The following DOCK3 variants were observed in gnomAD, a reference collection of about 807,000 sequenced individuals.
DOCK3 encodes dedicator of cytokinesis protein 3.
In DOCK3, 60 loss-of-function variants were observed where a neutral mutation model predicts 265.6. The observed-to-expected ratio is 0.23, with a 90% CI of 0.18 to 0.28. DOCK3 has a LOEUF of 0.28. DOCK3 is among the 10% of genes least tolerant of loss of function. The pLI, the probability that DOCK3 is intolerant of heterozygous loss-of-function variation, is 1.00. For synonymous variants in DOCK3, 881 were observed against 938.0 expected, an observed-to-expected ratio of 0.94 and a Z score of 1.11; for missense variants, 1,981 against 2,594.3, an observed-to-expected ratio of 0.76 and a Z score of 5.14.
chr3:50,982,956 C>G (rs1050566936), intron 5 of DOCK3, among the ~76,000 whole-genome samples: 13 of 152,166 alleles, frequency 8.5e-5, no homozygotes, highest in African/African-American at 3.1e-4. Context: ...CTGGGAAGAC[C>G]GCTCATTCCC....
chr3:50,820,447 A>G (rs907448606), intron 2 of DOCK3, among the ~76,000 whole-genome samples: 1 of 152,170 alleles, frequency 6.6e-6, no homozygotes, highest in Non-Finnish European at 1.5e-5. Flanking sequence ...TCCTGTGTTA[A>G]TTTGTTTAGG....
rs72943893 is a variant in DOCK3 at position 51,338,523 on chromosome 3, G to A, written c.3672+104G>A. 4.5e-5 allele frequency: 60 copies of A among 1,328,398 alleles called. No individual in the cohort carries two copies. The African/African-American group carries it at 7.4e-4, about 16-fold the overall frequency. 82.3% of individuals were successfully genotyped at this position (1,328,398 alleles called of 1,614,324 possible). A position where few individuals can be genotyped will look rare whatever the true frequency, so the allele number is the denominator to read the frequency against. ...TACAATACATGGCTGCAGGCCTAAG[G>A]GTTTGAATCAGGACATCAGCTCTGT... On this transcript the variant is annotated intron_variant, in intron 36 of 52. Coordinates refer to ENST00000266037, the MANE Select transcript of DOCK3 (RefSeq NM_004947.5).
intron 1 of DOCK3, among the ~76,000 whole-genome samples, chr3:50,776,246 A>G (rs907945522): frequency 6.6e-6 from 1 of 152,106 alleles, no homozygotes; most frequent in Admixed American, 6.6e-5. Flanking sequence ...CCATGCCAAC[A>G]TCTATTGTTT....
At chr3:50,796,781 C>A (rs1031111408) in intron 2 of DOCK3, among the ~76,000 whole-genome samples, 1 of 151,064 alleles carries the variant, frequency 6.6e-6, no homozygotes, top group East Asian at 1.9e-4. Flanking sequence ...TACTTTTATC[C>A]TAGTTGATGA....
chr3:50,743,707 A>T (rs1422321559), intron 1 of DOCK3, among the ~76,000 whole-genome samples: 1 of 152,224 alleles, frequency 6.6e-6, no homozygotes, highest in African/African-American at 2.4e-5. Context: ...TTAGTGACCT[A>T]CAAAGAGACT....
intron 5 of DOCK3, among the ~76,000 whole-genome samples, chr3:50,981,124 G>A (rs1440289365): frequency 6.6e-6 from 1 of 152,154 alleles, no homozygotes; most frequent in Non-Finnish European, 1.5e-5. Flanking sequence ...AGCTTTTGCT[G>A]TATCCCATAG....
At chr3:51,077,754 G>A (rs916040255) in intron 7 of DOCK3, among the ~76,000 whole-genome samples, 9 of 152,260 alleles carry the variant, frequency 5.9e-5, no homozygotes, top group Admixed American at 3.3e-4. Context: ...TCACGTTTGG[G>A]ATTCCTTTTA....
At chr3:50,725,076 A>G (rs371849914) in intron 1 of DOCK3, among the ~76,000 whole-genome samples, 14 of 152,182 alleles carry the variant, frequency 9.2e-5, no homozygotes, top group Non-Finnish European at 1.5e-4. Context: ...GTTCAAGGAA[A>G]CTCAACTGCA....
intron 1 of DOCK3, among the ~76,000 whole-genome samples, chr3:50,708,905 G>A (rs1454192528): frequency 6.6e-6 from 1 of 152,204 alleles, no homozygotes; most frequent in Non-Finnish European, 1.5e-5. Flanking sequence ...TCTACTTAGT[G>A]TTTTGGTCCT....
intron 33 of DOCK3, among the ~76,000 whole-genome samples, 155 bp downstream of exon 33, chr3:51,330,378 A>G (rs531595642): frequency 2.6e-5 from 4 of 152,324 alleles, no homozygotes; most frequent in African/African-American, 9.6e-5. Flanking sequence ...AACTTCTGTC[A>G]ACAAGAAACC....
At chr3:50,740,012 T>A (rs2038911753) in intron 1 of DOCK3, among the ~76,000 whole-genome samples, 1 of 152,150 alleles carries the variant, frequency 6.6e-6, no homozygotes, top group South Asian at 2.1e-4. Flanking sequence ...CATCTCTATT[T>A]CTCCTCTTGC....
chr3:51,075,667 T>C (rs2082033201), intron 7 of DOCK3, among the ~76,000 whole-genome samples: 1 of 152,230 alleles, frequency 6.6e-6, no homozygotes. Context: ...GCATTACTTC[T>C]TTGTTGACTT....
In DOCK3 at chr3:51,260,227, A is replaced by G. The variant is rs745890891; in HGVS notation, c.2256A>G (p.Glu752=). The G allele has an allele frequency of 2.7e-5, 44 of 1,613,822 alleles. No homozygotes were observed. The highest frequency in any genetic ancestry group is 3.6e-5 in the Non-Finnish European group (42 of 1,179,880). Residue 752 remains glutamate, a synonymous_variant, in exon 23 of 53, where the codon GAA becomes GAG. Coordinates refer to ENST00000266037, the MANE Select transcript of DOCK3 (RefSeq NM_004947.5). Reference sequence around the variant, plus strand: ...ACTCACGAGCCACTTGTGGAATGGAAGAGGAACAATTCAGATCCAGTATCC... The same window carrying G: ...ACTCACGAGCCACTTGTGGAATGGAGGAGGAACAATTCAGATCCAGTATCC... ...ILYSRATCGM[E]EEQFRSSIQE... is the part of the protein sequence containing the mutation.
At chr3:50,909,157 C>T (rs780966235) in intron 4 of DOCK3, among the ~76,000 whole-genome samples, 2 of 151,976 alleles carry the variant, frequency 1.3e-5, no homozygotes, top group Non-Finnish European at 2.9e-5. Context: ...ATGGTCTTAA[C>T]TTTTTATCCA....
intron 22 of DOCK3, 76 bp from the exon 23 acceptor site, chr3:51,260,080 G>T: frequency 7.0e-7 from 1 of 1,433,634 alleles, no homozygotes. Context: ...CTGTTACTTT[G>T]CCCCTTGTTT....
At chr3:50,758,240 TC>T (rs1020800633) in intron 1 of DOCK3, among the ~76,000 whole-genome samples, 5 of 135,010 alleles carry the variant, frequency 3.7e-5, no homozygotes, top group African/African-American at 1.1e-4. Context: ...TTGAAGGTTA[TC>T]CCCCCCGCCC....
At chr3:51,308,933 C>T (rs1213272189) in intron 27 of DOCK3, among the ~76,000 whole-genome samples, 2 of 152,278 alleles carry the variant, frequency 1.3e-5, no homozygotes, top group Non-Finnish European at 1.5e-5. Context: ...AGACGCTCCT[C>T]ACCTCCCAGA....
In DOCK3 at chr3:51,065,191, TATA is replaced by T. The variant is rs1029347217; in HGVS notation, c.464+601_464+603del. On this transcript the variant is annotated intron_variant, in intron 6 of 52. Coordinates refer to ENST00000266037, the MANE Select transcript of DOCK3 (RefSeq NM_004947.5). ...ATATAATTGATATATCAATAATTGATATAATAATTAATATAACTTTATAATTGA... is the reference window on the plus strand; with the variant it reads ...ATATAATTGATATATCAATAATTGATATAATTAATATAACTTTATAATTGA... Among the ~76,000 whole-genome samples the T allele has an allele frequency of 2.8e-4, 42 of 152,270 alleles. No individual in the cohort carries two copies. The East Asian group carries it at 3.9e-3, about 14-fold the overall frequency.
At chr3:50,753,074 G>A (rs903291286) in intron 1 of DOCK3, among the ~76,000 whole-genome samples, 1 of 151,800 alleles carries the variant, frequency 6.6e-6, no homozygotes, top group Non-Finnish European at 1.5e-5. Flanking sequence ...TAACAAGAGA[G>A]GGAACAGATC....
Sources: allele counts gnomAD v4.1 joint callset (sites outside exome capture counted in the v4.1 genomes callset), GRCh38; gene constraint gnomAD v4.1.1; transcripts MANE v1.5; gene names NCBI Gene and HGNC (gene_info 2026-07-23, HGNC 2026-07-21).